Variants in CNBD1 observed in about 807,000 individuals in gnomAD.
CNBD1 encodes the protein cyclic nucleotide binding domain containing 1.
A neutral mutation model predicts 54.4 loss-of-function variants in CNBD1; 71 were observed. That is an observed-to-expected ratio of 1.30 (90% CI 1.08 to 1.59). The LOEUF is 1.59. Ranked by LOEUF, CNBD1 falls within the 40% of genes most tolerant of loss-of-function variation. The pLI is 0.00. For missense variants in CNBD1, 659 were observed against 518.0 expected (o/e 1.27, Z -2.64); for synonymous variants, 182 against 170.7 (o/e 1.07, Z -0.51).
chr8:86,871,594 ATG>A (rs1808444499), intron 1 of CNBD1, among the ~76,000 whole-genome samples: 2 of 152,226 alleles, frequency 1.3e-5, no homozygotes, highest in Admixed American at 1.3e-4. Flanking sequence ...TCTTCCATCT[ATG>A]TAACTCTCCA....
chr8:87,150,806 G>T (rs879575253), intron 4 of CNBD1, among the ~76,000 whole-genome samples: 1 of 152,122 alleles, frequency 6.6e-6, no homozygotes, highest in Non-Finnish European at 1.5e-5. Context: ...TAGGGGCTGT[G>T]TCTTTCTTGA....
chr8:87,340,184 A>G (rs1810036678), intron 8 of CNBD1, among the ~76,000 whole-genome samples: 1 of 152,196 alleles, frequency 6.6e-6, no homozygotes, highest in Non-Finnish European at 1.5e-5. Context: ...CTTTTCTTTC[A>G]ACATTGAATA....
chr8:87,128,907 C>A (rs1216004682), intron 4 of CNBD1, among the ~76,000 whole-genome samples: 12 of 146,142 alleles, frequency 8.2e-5, no homozygotes, highest in African/African-American at 2.8e-4. Context: ...CATGGTGAAA[C>A]CCCGTCTCCA....
chr8:87,184,438 A>T (rs1813431051), intron 4 of CNBD1, among the ~76,000 whole-genome samples: 1 of 152,114 alleles, frequency 6.6e-6, no homozygotes, highest in Non-Finnish European at 1.5e-5. Flanking sequence ...GGCAAGCCTT[A>T]GTTGTGGACA....
At chr8:86,913,636 C>G (rs1809138474) in intron 3 of CNBD1, among the ~76,000 whole-genome samples, 1 of 152,080 alleles carries the variant, frequency 6.6e-6, no homozygotes, top group Non-Finnish European at 1.5e-5. Context: ...GTGTTGTTCA[C>G]AGAGATCACA....
chr8:87,423,530 T>C (rs1383543756), intron 2 of CNBD1, among the ~76,000 whole-genome samples: 1 of 151,362 alleles, frequency 6.6e-6, no homozygotes, highest in East Asian at 1.9e-4. Flanking sequence ...TCTATTGAGA[T>C]AATCATGTGG....
intron 2 of CNBD1, among the ~76,000 whole-genome samples, chr8:86,890,625 T>C (rs773149294): frequency 1.3e-5 from 2 of 152,136 alleles, no homozygotes; most frequent in Admixed American, 6.5e-5. Context: ...CTGCATCATA[T>C]GTTAATTCTA....
At chr8:87,160,335 T>G (rs1812829589) in intron 4 of CNBD1, among the ~76,000 whole-genome samples, 1 of 152,092 alleles carries the variant, frequency 6.6e-6, no homozygotes, top group Non-Finnish European at 1.5e-5. Flanking sequence ...TTTTATCTGC[T>G]TTTTACAATA....
intron 4 of CNBD1, among the ~76,000 whole-genome samples, chr8:87,175,120 G>A (rs985724905): frequency 6.6e-6 from 1 of 152,118 alleles, no homozygotes; most frequent in Non-Finnish European, 1.5e-5. Context: ...ACAGTCTCAG[G>A]TGGTAAAGCC....
At chr8:86,880,699 G>A (rs927643581) in intron 1 of CNBD1, among the ~76,000 whole-genome samples, 3 of 152,036 alleles carry the variant, frequency 2.0e-5, no homozygotes, top group Admixed American at 1.3e-4. Context: ...AAGATCTCAA[G>A]ATTGGTTATA....
intron 4 of CNBD1, among the ~76,000 whole-genome samples, chr8:87,109,260 T>C (rs1342712857): frequency 3.9e-5 from 6 of 152,166 alleles, no homozygotes; most frequent in Non-Finnish European, 8.8e-5. Flanking sequence ...TTCTAATTCA[T>C]AGGACTATTT....
At chr8:87,080,258 T>G (rs1298439518) in intron 4 of CNBD1, among the ~76,000 whole-genome samples, 1 of 152,170 alleles carries the variant, frequency 6.6e-6, no homozygotes, top group Non-Finnish European at 1.5e-5. Flanking sequence ...CAAAATTACT[T>G]TGGATTTTCT....
chr8:87,084,075 T>C (rs1455932106), intron 4 of CNBD1, among the ~76,000 whole-genome samples: 2 of 152,240 alleles, frequency 1.3e-5, no homozygotes, highest in Non-Finnish European at 2.9e-5. Flanking sequence ...AATTTGATTC[T>C]TTTCATTGAC....
chr8:87,092,456 T>TGTGTGTGTGTGTGTATATATATACAC (rs1563465551), intron 4 of CNBD1, among the ~76,000 whole-genome samples: 23 of 138,888 alleles, frequency 1.7e-4, no homozygotes, highest in African/African-American at 7.4e-4. Context: ...TATATACACA[T>TGTGTGTGTGTGTGTATATATATACAC]ATGTGTGTGT....
chr8:87,292,609 A>T (rs1002846397), intron 8 of CNBD1, among the ~76,000 whole-genome samples: 3 of 152,184 alleles, frequency 2.0e-5, no homozygotes, highest in Non-Finnish European at 4.4e-5. Flanking sequence ...AATGATGAAT[A>T]CTGTAGATTA....
chr8:86,919,678 G>T (rs1201146002), intron 3 of CNBD1, among the ~76,000 whole-genome samples: 1 of 152,140 alleles, frequency 6.6e-6, no homozygotes, highest in Non-Finnish European at 1.5e-5. Context: ...GTGGCCTCCT[G>T]CTTGTTTAAT....
intron 6 of CNBD1, among the ~76,000 whole-genome samples, chr8:87,278,658 A>G (rs1325849354): frequency 6.6e-6 from 1 of 151,642 alleles, no homozygotes; most frequent in East Asian, 1.9e-4. Flanking sequence ...AAGGGATGAC[A>G]AGGAGACAAA....
intron 4 of CNBD1, among the ~76,000 whole-genome samples, chr8:87,015,751 G>A (rs545784750): frequency 3.3e-5 from 5 of 151,876 alleles, no homozygotes; most frequent in East Asian, 2.0e-4. Flanking sequence ...AGGCCGAGGC[G>A]GGTGGATCAC....
Position 87,343,167 on chromosome 8 carries a change from C to T in CNBD1, c.1043-8518C>T, listed in dbSNP as rs186903222. ...TATTCTGCCCAACCACGCAGGCAGT[C>T]AGACCTTATGGTTATCTTTCCTTGT... is the stretch of plus-strand genomic sequence containing the variant. On this transcript the variant is annotated intron_variant, in intron 8 of 10. Coordinates refer to ENST00000518476, the MANE Select transcript of CNBD1 (RefSeq NM_173538.3). Among the ~76,000 whole-genome samples the T allele has an allele frequency of 3.3e-5, 5 of 152,336 alleles. No individual in the cohort carries two copies. In the East Asian group the frequency reaches 9.6e-4, roughly 29 times the overall value.
Sources: gnomAD v4.1 joint callset for allele counts (sites outside exome capture counted in the v4.1 genomes callset) on GRCh38, gnomAD v4.1.1 for gene constraint, MANE v1.5 for transcripts, NCBI Gene and HGNC (gene_info 2026-07-23, HGNC 2026-07-21) for gene names.